The following TTC7A variants were observed in gnomAD, a reference collection of about 807,000 sequenced individuals.
TTC7A encodes the protein tetratricopeptide repeat domain 7A.
A neutral mutation model predicts 103.7 loss-of-function variants in TTC7A; 110 were observed. That is an observed-to-expected ratio of 1.06 (90% CI 0.91 to 1.24). The LOEUF is 1.24. TTC7A is among the 50% of genes most tolerant of loss of function. The probability of loss-of-function intolerance (pLI) is 0.00; values close to 1 mark genes in which losing one functional copy is unlikely to be tolerated. For synonymous variants in TTC7A, 521 were observed against 467.9 expected, an observed-to-expected ratio of 1.11 and a Z score of -1.47; for missense variants, 1,340 against 1,116.3, an observed-to-expected ratio of 1.20 and a Z score of -2.86.
chr2:46,952,980 A>T (rs1671541557), intron 2 of TTC7A, among the ~76,000 whole-genome samples: 1 of 152,200 alleles, frequency 6.6e-6, no homozygotes, highest in Admixed American at 6.5e-5. Context: ...CATTCTTTGT[A>T]TTGGCTGAAT....
chr2:46,944,741 A>G (rs535189181), intron 1 of TTC7A, among the ~76,000 whole-genome samples: 7 of 152,242 alleles, frequency 4.6e-5, no homozygotes, highest in South Asian at 2.1e-4. Flanking sequence ...GGGTCTTGCT[A>G]TGTTGCCCAA....
At chr2:46,974,343 A>T (rs973652471) in intron 3 of TTC7A, among the ~76,000 whole-genome samples, 1 of 152,248 alleles carries the variant, frequency 6.6e-6, no homozygotes, top group African/African-American at 2.4e-5. Context: ...TGCCTTACCT[A>T]CCAGGTGGTC....
At chr2:47,051,937 C>T (rs1362107540) in intron 18 of TTC7A, 57 bp downstream of exon 18, 7 of 1,550,136 alleles carry the variant, frequency 4.5e-6, no homozygotes, top group Non-Finnish European at 6.1e-6. Context: ...CCCATGCTCT[C>T]AGAGCCCTGT....
chr2:46,993,469 A>G lies in TTC7A; in HGVS notation c.784A>G (p.Arg262Gly). 3 of 1,614,196 alleles carry G rather than the reference A, an allele frequency of 1.9e-6. No homozygotes were observed. Among genetic ancestry groups the G allele is most frequent in the Non-Finnish European group, 2.5e-6 (3 of 1,180,016 alleles). The change falls in exon 6 of 20, where the codon AGA becomes GGA. Residue 262 changes from arginine (R) to glycine (G), a missense_variant. Physicochemically the swap from Arg to Gly is moderately radical, Grantham distance 125. Transcript: ENST00000319190. The part of the protein sequence containing the change: ...LKKGNIVKGM[R>G]ELREVLRTVE... ...CACCAGGAACATCGTGAAGGGCATG[A>G]GAGAGCTCCGGGAGGTGCTGCGGAC...
chr2:47,050,328 G>A (rs1196211433), intron 17 of TTC7A: 11 of 466,400 alleles, frequency 2.4e-5, no homozygotes, highest in African/African-American at 7.8e-5. Flanking sequence ...CACAGAAACC[G>A]TTTCCCCTTA....
intron 1 of TTC7A, among the ~76,000 whole-genome samples, chr2:46,943,095 G>A (rs1448558267): frequency 6.6e-6 from 1 of 152,080 alleles, no homozygotes. Flanking sequence ...TAGTAGAGAC[G>A]GGGTTTCGCC....
chr2:47,014,560 C>T (rs1678434274), intron 11 of TTC7A, among the ~76,000 whole-genome samples: 1 of 152,142 alleles, frequency 6.6e-6, no homozygotes. Flanking sequence ...TGGGTCAGCC[C>T]TGTACTCTCT....
chr2:46,995,032 A>C lies in TTC7A; in HGVS notation c.1002-104A>C, dbSNP rs1676035020. Reference sequence around the variant, plus strand: ...GAATTATGCAGGAAGAGGTCACCTTACCGAGCTGGTGCTGACTCTGGGGCA... The same window carrying C: ...GAATTATGCAGGAAGAGGTCACCTTCCCGAGCTGGTGCTGACTCTGGGGCA... On this transcript the variant is annotated intron_variant, in intron 7 of 19. Coordinates refer to ENST00000319190, the MANE Select transcript of TTC7A (RefSeq NM_020458.4). 6.8e-6 allele frequency: 7 copies of C among 1,035,328 alleles called. No homozygotes were observed. In the Admixed American group the frequency reaches 1.4e-4, roughly 20 times the overall value. 64.1% of individuals were successfully genotyped at this position (1,035,328 alleles called of 1,614,324 possible).
rs1289537940 is a variant in TTC7A at position 47,076,002 on chromosome 2, C to G, written c.*2079C>G. 1.3e-5 allele frequency: 2 copies of G among 152,556 alleles called. No homozygotes were observed. Among genetic ancestry groups the G allele is most frequent in the African/African-American group, 4.8e-5 (2 of 41,436 alleles). 9.5% of individuals were successfully genotyped at this position (152,556 alleles called of 1,614,324 possible). On this transcript the variant is annotated 3_prime_UTR_variant, in exon 20 of 20. Coordinates refer to ENST00000319190, the MANE Select transcript of TTC7A (RefSeq NM_020458.4). Reference sequence around the variant, plus strand: ...CTAGGAGAGGAGGCATGGGAGGGACCTGGGCCTTGTTCAGATTGGCCACCT... The same window carrying G: ...CTAGGAGAGGAGGCATGGGAGGGACGTGGGCCTTGTTCAGATTGGCCACCT...
At chr2:46,996,637 G>A (rs890741088) in intron 8 of TTC7A, among the ~76,000 whole-genome samples, 2 of 152,186 alleles carry the variant, frequency 1.3e-5, no homozygotes, top group Middle Eastern at 3.2e-3. Flanking sequence ...ATATTTGGAT[G>A]GGAGTGCCAG....
At chr2:47,065,382 A>G (rs1337583008) in intron 19 of TTC7A, among the ~76,000 whole-genome samples, 1 of 152,246 alleles carries the variant, frequency 6.6e-6, no homozygotes, top group Non-Finnish European at 1.5e-5. Flanking sequence ...ACAAAGAAAA[A>G]GGACTTGGAG....
At chr2:47,023,257 A>T in intron 12 of TTC7A, 151 bp from the exon 13 acceptor site, 1 of 728,604 alleles carries the variant, frequency 1.4e-6, no homozygotes, top group South Asian at 1.8e-5. Context: ...AAGCCAGGGC[A>T]TTGGCCCAGG....
chr2:47,043,054 C>G (rs541100360), intron 15 of TTC7A, among the ~76,000 whole-genome samples: 1 of 152,214 alleles, frequency 6.6e-6, no homozygotes, highest in Admixed American at 6.5e-5. Context: ...CCAGTCCTGA[C>G]GGCATGCCAG....
At chr2:46,981,367 G>A (rs1396622551) in intron 5 of TTC7A, among the ~76,000 whole-genome samples, 2 of 152,072 alleles carry the variant, frequency 1.3e-5, no homozygotes, top group Non-Finnish European at 2.9e-5. Context: ...TGCTCGATGT[G>A]GGGGTCGAGG....
intron 3 of TTC7A, among the ~76,000 whole-genome samples, chr2:46,968,811 G>T (rs1207656466): frequency 6.6e-6 from 1 of 152,156 alleles, no homozygotes; most frequent in Non-Finnish European, 1.5e-5. Context: ...AATTAGGCCA[G>T]TGTAAATATC....
chr2:46,968,941 T>G (rs1486279336), intron 3 of TTC7A, among the ~76,000 whole-genome samples: 1 of 151,564 alleles, frequency 6.6e-6, no homozygotes, highest in Non-Finnish European at 1.5e-5. Flanking sequence ...TGTGTTTTTT[T>G]TTTTTTTTTA....
intron 15 of TTC7A, among the ~76,000 whole-genome samples, chr2:47,044,291 G>T (rs11125113): frequency 5.9e-5 from 9 of 152,184 alleles, no homozygotes; most frequent in South Asian, 2.1e-4. Context: ...TCTCTGGGCA[G>T]TGTGTCATTT....
rs754809970 is a variant in TTC7A, at chr2:46,974,792, C to A, written c.518-181C>A. The A allele has an allele frequency of 8.8e-6, 7 of 791,954 alleles. No individual in the cohort carries two copies. The South Asian group carries it at 1.1e-4, about 12-fold the overall frequency. The allele number at this position is 791,954 out of a possible 1,614,324, so 49.1% of individuals were successfully genotyped here. On this transcript the variant is annotated intron_variant, in intron 3 of 19. Transcript: ENST00000319190. ...CCACGTGCTGTCCCATCGCTTACTC[C>A]CAGCCACTGCTAACACCACCGTCGC...
chr2:47,067,315 A>G (rs1019609573), intron 19 of TTC7A, among the ~76,000 whole-genome samples: 2 of 152,244 alleles, frequency 1.3e-5, no homozygotes, highest in East Asian at 1.9e-4. Context: ...AGATAAGTCA[A>G]CGTTGGGCAT....
Sources: gnomAD v4.1 joint callset for allele counts (sites outside exome capture counted in the v4.1 genomes callset) on GRCh38, gnomAD v4.1.1 for gene constraint, MANE v1.5 for transcripts, NCBI Gene and HGNC (gene_info 2026-07-23, HGNC 2026-07-21) for gene names.